Variants in DCLK1 observed in about 807,000 individuals in gnomAD.
The protein encoded by DCLK1 is doublecortin like kinase 1, also known as serine/threonine-protein kinase DCLK1.
DCLK1 carries 16 observed loss-of-function variants against 86.2 expected under a neutral mutation model. That is an observed-to-expected ratio of 0.19 (90% CI 0.13 to 0.28). The LOEUF (loss-of-function observed/expected upper bound fraction) is 0.28. DCLK1 is among the 10% of genes least tolerant of loss of function. DCLK1 has a pLI of 1.00. For synonymous variants in DCLK1, 369 were observed against 370.5 expected, an observed-to-expected ratio of 1.00 and a Z score of 0.05; for missense variants, 590 against 940.2, an observed-to-expected ratio of 0.63 and a Z score of 4.87.
chr13:35,862,507 C>T (rs999694944), intron 5 of DCLK1, among the ~76,000 whole-genome samples: 2 of 152,112 alleles, frequency 1.3e-5, no homozygotes, highest in Admixed American at 6.6e-5. Flanking sequence ...TTTTTTCCAC[C>T]GCCATGCCAC....
rs2086295338 is a variant in DCLK1, at chr13:35,769,703, A to G, written c.*4832T>C. On this transcript the variant is annotated 3_prime_UTR_variant, in exon 17 of 17. Coordinates refer to ENST00000360631, the MANE Select transcript of DCLK1 (RefSeq NM_001330071.2). ...TCTTAGTAGCAACAGTGAAGACTTT[A>G]GAACTATTACTTACTTTAAATTATT... 6.6e-6 allele frequency: 1 copy of G among 152,224 alleles called. No individual in the cohort carries two copies. The highest frequency in any genetic ancestry group is 6.5e-5 in the Admixed American group (1 of 15,280). The allele number at this position is 152,224 out of a possible 1,614,324, so 9.4% of individuals were successfully genotyped here.
intron 6 of DCLK1, chr13:35,847,841 C>A (rs973288838): frequency 2.0e-6 from 2 of 985,136 alleles, no homozygotes; most frequent in Non-Finnish European, 2.4e-6. Flanking sequence ...ATGAGAGAAC[C>A]TGACACTTCT....
intron 6 of DCLK1, among the ~76,000 whole-genome samples, chr13:35,845,223 C>T (rs1870090670): frequency 6.6e-6 from 1 of 151,966 alleles, no homozygotes; most frequent in South Asian, 2.1e-4. Flanking sequence ...ACTCCAGCCT[C>T]GGCAACAGAG....
intron 4 of DCLK1, among the ~76,000 whole-genome samples, chr13:35,886,000 T>G (rs1310140914): frequency 6.9e-6 from 1 of 145,318 alleles, no homozygotes; most frequent in Non-Finnish European, 1.5e-5. Context: ...AAAGGCTGAA[T>G]AGGTTCCTTT....
intron 3 of DCLK1, among the ~76,000 whole-genome samples, chr13:35,980,020 C>T (rs190773368): frequency 6.6e-6 from 1 of 152,308 alleles, no homozygotes; most frequent in Admixed American, 6.5e-5. Flanking sequence ...ATACACATAA[C>T]ATAAAGATCT....
At chr13:35,840,139 T>C (rs1176455764) in intron 6 of DCLK1, among the ~76,000 whole-genome samples, 2 of 151,998 alleles carry the variant, frequency 1.3e-5, no homozygotes, top group Non-Finnish European at 2.9e-5. Flanking sequence ...AAAGAGCATC[T>C]GTAGTTGAAT....
rs1368176080 is a variant in DCLK1, at chr13:35,854,535, T to C, written c.999A>G (p.Pro333=). The C allele has an allele frequency of 1.2e-5, 20 of 1,605,520 alleles. No individual in the cohort carries two copies. The highest frequency in any genetic ancestry group is 1.5e-5 in the Non-Finnish European group (18 of 1,175,522). The stretch of plus-strand genomic sequence containing the variant: ...GCAGGCTTCCTGGGCTGGTGGGTGA[T>C]GGGCTTGGCGACTTGCCTGAGCGCG... ...STPRSGKSPS[P]SPTSPGSLRK... Residue 333 remains proline, a synonymous_variant, in exon 6 of 17, where the codon CCA becomes CCG. Transcript: ENST00000360631.
At position 35,894,014 on chromosome 13, in the gene DCLK1, T is replaced by C. The variant is rs192433042; in HGVS notation, c.824-22674A>G. On this transcript the variant is annotated intron_variant, in intron 4 of 16. Coordinates refer to ENST00000360631, the MANE Select transcript of DCLK1 (RefSeq NM_001330071.2). ...GCATACAATTACTATAAAAATAATA[T>C]AAAATCACCTTCAAGCTTATATGTA... Among the ~76,000 whole-genome samples, 257 of 152,180 alleles carry C rather than the reference T, an allele frequency of 1.7e-3. 2 individuals are homozygous for C. The highest frequency in any genetic ancestry group is 6.0e-3 in the African/African-American group (250 of 41,526).
chr13:35,855,691 T>C (rs1431234621), intron 5 of DCLK1: 6 of 1,391,946 alleles, frequency 4.3e-6, no homozygotes, highest in African/African-American at 2.9e-5. Flanking sequence ...GCAGATGCCT[T>C]TTCTGCGTAA....
At chr13:35,972,171 C>T (rs1379093908) in intron 3 of DCLK1, among the ~76,000 whole-genome samples, 2 of 151,850 alleles carry the variant, frequency 1.3e-5, no homozygotes, top group South Asian at 2.1e-4. Flanking sequence ...CATTTCTCTC[C>T]TCCTCCTTCC....
intron 3 of DCLK1, among the ~76,000 whole-genome samples, chr13:36,033,367 ACTTT>A (rs1341839962): frequency 1.3e-5 from 2 of 152,174 alleles, no homozygotes; most frequent in Non-Finnish European, 2.9e-5. Flanking sequence ...TAGTGATAAT[ACTTT>A]CTGTGCATTT....
chr13:35,854,241 A>G (rs1046054141), intron 6 of DCLK1, among the ~76,000 whole-genome samples: 1 of 152,248 alleles, frequency 6.6e-6, no homozygotes, highest in African/African-American at 2.4e-5. Flanking sequence ...CTGTGCATTC[A>G]GAACAGAAAG....
chr13:35,908,771 A>G (rs1874825242), intron 4 of DCLK1, among the ~76,000 whole-genome samples: 2 of 152,014 alleles, frequency 1.3e-5, no homozygotes, highest in Admixed American at 6.5e-5. Flanking sequence ...GAGTAGCTGG[A>G]ACTACTGGCG....
At chr13:35,867,909 A>AAAAGAAAGAAAG (rs34489580) in intron 5 of DCLK1, among the ~76,000 whole-genome samples, 15,738 of 102,132 alleles carry the variant, frequency 0.15, 1,488 homozygotes, top group Middle Eastern at 0.17. Context: ...GAAAGAAAGA[A>AAAAGAAAGAAAG]AAAGAAAGAA....
chr13:35,951,792 C>T (rs1343277613), intron 3 of DCLK1, among the ~76,000 whole-genome samples: 3 of 152,162 alleles, frequency 2.0e-5, no homozygotes, highest in Non-Finnish European at 4.4e-5. Context: ...CACTCCAGCT[C>T]TTGCTCTGCC....
intron 16 of DCLK1, among the ~76,000 whole-genome samples, chr13:35,776,727 G>T (rs2086430820): frequency 1.3e-5 from 2 of 152,170 alleles, no homozygotes; most frequent in African/African-American, 4.8e-5. Flanking sequence ...GTAACTGCAG[G>T]TCATAGAAAA....
intron 16 of DCLK1, among the ~76,000 whole-genome samples, chr13:35,783,104 A>G (rs1222882690): frequency 2.0e-5 from 3 of 152,288 alleles, no homozygotes; most frequent in Non-Finnish European, 4.4e-5. Context: ...ATTTTTGGCT[A>G]TAGCTACTTC....
chr13:36,100,072 G>T (rs1193248723), intron 3 of DCLK1, among the ~76,000 whole-genome samples: 1 of 150,630 alleles, frequency 6.6e-6, no homozygotes, highest in East Asian at 1.9e-4. Context: ...GCCGGGCATG[G>T]TGGCTCACAC....
At chr13:36,039,483 G>A (rs948249809) in intron 3 of DCLK1, among the ~76,000 whole-genome samples, 3 of 152,158 alleles carry the variant, frequency 2.0e-5, no homozygotes, top group African/African-American at 7.2e-5. Flanking sequence ...GAACATCGGT[G>A]ATTTTTTTTC....
Sources: allele counts gnomAD v4.1 joint callset (sites outside exome capture counted in the v4.1 genomes callset), GRCh38; gene constraint gnomAD v4.1.1; transcripts MANE v1.5; gene names NCBI Gene and HGNC (gene_info 2026-07-23, HGNC 2026-07-21).